Variants in BRSK2 observed in about 807,000 individuals in gnomAD.
The protein encoded by BRSK2 is BR serine/threonine kinase 2.
BRSK2 carries 19 observed loss-of-function variants against 83.3 expected under a neutral mutation model. The ratio of observed to expected loss-of-function variants is 0.23; its 90% CI spans 0.16 to 0.33. The LOEUF (loss-of-function observed/expected upper bound fraction) is 0.33, where lower values mean the gene tolerates loss of function less well. Among genes scored for constraint, BRSK2 ranks in the 10% least tolerant of loss-of-function variants. BRSK2 has a pLI of 1.00. For synonymous variants in BRSK2, 519 were observed against 435.4 expected (o/e 1.19, Z -2.39); for missense variants, 798 against 1,042.3 (o/e 0.77, Z 3.23).
intron 1 of BRSK2, among the ~76,000 whole-genome samples, chr11:1,395,628 GGT>G (rs1217637752): frequency 6.6e-6 from 1 of 152,220 alleles, no homozygotes; most frequent in African/African-American, 2.4e-5. Flanking sequence ...GGGCACCTCA[GGT>G]GTGTGTGTCC....
intron 1 of BRSK2, among the ~76,000 whole-genome samples, chr11:1,396,386 G>A (rs1278735901): frequency 1.3e-5 from 2 of 152,194 alleles, no homozygotes; most frequent in Non-Finnish European, 2.9e-5. Flanking sequence ...CCCGGACCTG[G>A]GCCTAAGCGA....
intron 4 of BRSK2, 128 bp downstream of exon 4, chr11:1,441,056 C>G: frequency 1.3e-6 from 1 of 776,744 alleles, no homozygotes; most frequent in South Asian, 1.8e-5. Flanking sequence ...CCATGCCCCC[C>G]ATTAGCTGCC....
intron 14 of BRSK2, among the ~76,000 whole-genome samples, chr11:1,451,144 C>A (rs762211362): frequency 6.6e-6 from 1 of 152,232 alleles, no homozygotes; most frequent in African/African-American, 2.4e-5. Flanking sequence ...AAGGCACAGC[C>A]GACTTCAGCA....
chr11:1,460,592 A>G lies in BRSK2; in HGVS notation c.2080A>G (p.Lys694Glu), dbSNP rs1170142023. 2 of 1,532,150 alleles carry G rather than the reference A, an allele frequency of 1.3e-6. No homozygotes were observed. Among genetic ancestry groups the G allele is most frequent in the Non-Finnish European group, 1.7e-6 (2 of 1,145,108 alleles). The allele number at this position is 1,532,150 out of a possible 1,614,324, so 94.9% of individuals were successfully genotyped here. A position where few individuals can be genotyped will look rare whatever the true frequency, so the allele number is the denominator to read the frequency against. The change falls in exon 20 of 20, where the codon AAG becomes GAG. Residue 694 changes from lysine (K) to glutamate (E), a missense_variant. By Grantham distance (56) the Lys-to-Glu change is moderately conservative. Coordinates refer to ENST00000528841, the MANE Select transcript of BRSK2 (RefSeq NM_001256627.2). ...GGCCCAGGCCCCCAGCACGCCCGCC[A>G]AGCGGAGTGCCCACGGCCCACTCGG... ...QAAQAPSTPA[K>E]RSAHGPLGDS...
At chr11:1,400,690 CCT>C (rs1261518391) in intron 1 of BRSK2, among the ~76,000 whole-genome samples, 3 of 152,164 alleles carry the variant, frequency 2.0e-5, no homozygotes, top group South Asian at 2.1e-4. Context: ...GGAATGGGCC[CCT>C]GTCAGCTGTG....
At chr11:1,448,140 C>T (rs1047658186) in intron 12 of BRSK2, among the ~76,000 whole-genome samples, 1 of 152,178 alleles carries the variant, frequency 6.6e-6, no homozygotes, top group Non-Finnish European at 1.5e-5. Flanking sequence ...CAGGCCGAGC[C>T]GCTCCTCCTG....
intron 18 of BRSK2, 104 bp downstream of exon 18, chr11:1,456,791 C>A (rs879442716): frequency 3.0e-6 from 4 of 1,347,148 alleles, no homozygotes; most frequent in Admixed American, 2.1e-5. Context: ...AGCCTCCTGG[C>A]CCCTCTTGAC....
At chr11:1,398,356 G>T (rs962401792) in intron 1 of BRSK2, among the ~76,000 whole-genome samples, 1 of 152,186 alleles carries the variant, frequency 6.6e-6, no homozygotes, top group African/African-American at 2.4e-5. Context: ...TTCCCTGGGC[G>T]GGGGTGACGT....
intron 12 of BRSK2, among the ~76,000 whole-genome samples, chr11:1,448,900 A>C (rs940798425): frequency 2.6e-5 from 4 of 152,214 alleles, no homozygotes; most frequent in Admixed American, 2.6e-4. Flanking sequence ...GGTGTGGACT[A>C]GCGAGGCCCC....
Position 1,456,659 on chromosome 11 carries a change from C to G in BRSK2, c.1911C>G (p.His637Gln), listed in dbSNP as rs772305366. The G allele has an allele frequency of 1.2e-6, 2 of 1,608,352 alleles. No individual in the cohort carries two copies. Among genetic ancestry groups the G allele is most frequent in the African/African-American group, 2.7e-5 (2 of 74,906 alleles). ...TCCAGGCCCAGCTGCTGAGCACACACGACCCGCCTGCGGCCCAGCACTTGT... is the reference window on the plus strand; with the variant it reads ...TCCAGGCCCAGCTGCTGAGCACACAGGACCCGCCTGCGGCCCAGCACTTGT... Reference protein sequence around the residue: ...ETIQAQLLSTHDPPAAQHLSD... With the variant: ...ETIQAQLLSTQDPPAAQHLSD... Residue 637 changes from histidine to glutamine, a missense_variant, in exon 18 of 20, where the codon CAC becomes CAG. Coordinates refer to ENST00000528841, the MANE Select transcript of BRSK2 (RefSeq NM_001256627.2).
chr11:1,459,579 C>G, intron 19 of BRSK2: 1 of 345,490 alleles, frequency 2.9e-6, no homozygotes, highest in Admixed American at 4.0e-5. Context: ...CGGTGCCCAT[C>G]CCTCTGTCCA....
chr11:1,454,103 G>C lies in BRSK2; in HGVS notation c.1545-382G>C, dbSNP rs1846157500. 1 of 170,670 alleles carries C rather than the reference G, an allele frequency of 5.9e-6. No homozygotes were observed. Among genetic ancestry groups the C allele is most frequent in the Admixed American group, 6.0e-5 (1 of 16,654 alleles). The allele number at this position is 170,670 out of a possible 1,614,324, so 10.6% of individuals were successfully genotyped here. A position where few individuals can be genotyped will look rare whatever the true frequency, so the allele number is the denominator to read the frequency against. ...CCCCGCCTGCTCCTGGGGGTGGGGGGCACAGCTGACTTCAGGAGCCCAGCT... is the reference window on the plus strand; with the variant it reads ...CCCCGCCTGCTCCTGGGGGTGGGGGCCACAGCTGACTTCAGGAGCCCAGCT... On this transcript the variant is annotated intron_variant, in intron 15 of 19. Transcript: ENST00000528841. The surrounding 1 kb of genome is among the most constrained non-coding windows in gnomAD (Gnocchi z 5.2).
At chr11:1,448,596 TG>T (rs1015532390) in intron 12 of BRSK2, among the ~76,000 whole-genome samples, 8 of 152,068 alleles carry the variant, frequency 5.3e-5, no homozygotes, top group Non-Finnish European at 1.0e-4. Flanking sequence ...TCACGAGCTC[TG>T]GGCGGGCTCG....
chr11:1,445,052 C>G, intron 9 of BRSK2, 50 bp downstream of exon 9: 1 of 1,592,810 alleles, frequency 6.3e-7, no homozygotes, highest in Non-Finnish European at 8.6e-7. Flanking sequence ...GTTGCTGTGG[C>G]CTGGAGGCCC....
At position 1,451,894 on chromosome 11, in the gene BRSK2, A is replaced by G. The variant is rs1845860672; in HGVS notation, c.1544+475A>G. Among the ~76,000 whole-genome samples the G allele has an allele frequency of 2.0e-5, 3 of 152,074 alleles. No homozygotes were observed. In the South Asian group the frequency reaches 6.2e-4, roughly 32 times the overall value. ...TGAGAGGTGCCACTGCAGAGACTCT[A>G]CAGCGCCCAGGTGCTGAGATGCCCT... On this transcript the variant is annotated intron_variant, in intron 15 of 19. Transcript: ENST00000528841.
intron 1 of BRSK2, among the ~76,000 whole-genome samples, chr11:1,420,118 C>T (rs1206025006): frequency 6.6e-5 from 10 of 152,182 alleles, no homozygotes; most frequent in South Asian, 2.1e-4. Flanking sequence ...GGCCTCTGCC[C>T]GGAGGCTCGG....
chr11:1,422,119 GAGCCC>G (rs1006628757), intron 1 of BRSK2, among the ~76,000 whole-genome samples: 12 of 152,282 alleles, frequency 7.9e-5, no homozygotes, highest in South Asian at 4.1e-4. Context: ...TGTCGGGTGA[GAGCCC>G]AGCCCAGCCC....
At chr11:1,444,094 T>G in intron 8 of BRSK2, among the ~76,000 whole-genome samples, 1 of 151,958 alleles carries the variant, frequency 6.6e-6, no homozygotes, top group Non-Finnish European at 1.5e-5. Context: ...TGCACAGGTG[T>G]GGGGGGCTGT....
At chr11:1,457,339 G>A (rs1377116932) in intron 18 of BRSK2, among the ~76,000 whole-genome samples, 2 of 152,236 alleles carry the variant, frequency 1.3e-5, no homozygotes, top group South Asian at 2.1e-4. Flanking sequence ...CCAGGGTCAT[G>A]CCTCCAGCAG....
Sources: gnomAD v4.1 joint callset for allele counts (sites outside exome capture counted in the v4.1 genomes callset) on GRCh38, gnomAD v4.1.1 for gene constraint, Gnocchi (gnomAD v3.1) non-coding constraint, MANE v1.5 for transcripts, NCBI Gene and HGNC (gene_info 2026-07-23, HGNC 2026-07-21) for gene names.